FGL1: variants seen among roughly 807,000 people sequenced by gnomAD.
The protein encoded by FGL1 is fibrinogen-like protein 1.
Under a neutral mutation model 43.7 loss-of-function variants are expected in FGL1, and 59 were observed. That is an observed-to-expected ratio of 1.35 (90% CI 1.10 to 1.68). The LOEUF is 1.68. Among genes scored for constraint, FGL1 ranks in the 40% most tolerant of loss-of-function variants. The probability of loss-of-function intolerance (pLI) is 0.00; values close to 1 mark genes in which losing one functional copy is unlikely to be tolerated. For synonymous variants in FGL1, 192 were observed against 126.5 expected (o/e 1.52, Z -3.48); for missense variants, 596 against 373.0 (o/e 1.60, Z -4.92).
At chr8:17,889,745 C>T (rs530830783) in intron 1 of FGL1, among the ~76,000 whole-genome samples, 1 of 152,180 alleles carries the variant, frequency 6.6e-6, no homozygotes, top group Non-Finnish European at 1.5e-5. Context: ...CCTGGTTAAT[C>T]CTTTCTTACT....
At position 17,881,991 on chromosome 8, in the gene FGL1, A is replaced by T. The variant is rs1249981833; in HGVS notation, c.244+8T>A. 6.2e-7 allele frequency: 1 copy of T among 1,612,860 alleles called. No homozygotes were observed. Among genetic ancestry groups the T allele is most frequent in the Admixed American group, 1.7e-5 (1 of 59,970 alleles). On this transcript the variant is annotated splice_region_variant and intron_variant, in intron 3 of 7. Transcript: ENST00000427924. ...TTATAGAAACACTTAAGAAAAGTCC[A>T]TTCTGACCTGCATACTGCCTCTTGC...
At chr8:17,880,155 A>C (rs2053513630) in intron 3 of FGL1, among the ~76,000 whole-genome samples, 1 of 151,976 alleles carries the variant, frequency 6.6e-6, no homozygotes, top group South Asian at 2.1e-4. Context: ...CATCCCCACT[A>C]CTGCAGACCA....
Position 17,864,447 on chromosome 8 carries a change from A to T in FGL1, c.*145T>A. 2 of 804,106 alleles carry T rather than the reference A, an allele frequency of 2.5e-6. No homozygotes were observed. Among genetic ancestry groups the T allele is most frequent in the Non-Finnish European group, 3.8e-6 (2 of 527,692 alleles). 49.8% of individuals were successfully genotyped at this position (804,106 alleles called of 1,614,324 possible). On this transcript the variant is annotated 3_prime_UTR_variant, in exon 8 of 8. Transcript: ENST00000427924. The stretch of plus-strand genomic sequence containing the variant: ...TGCATATCTGCTGTACTGAAAGCAC[A>T]TTAAGTAACAAAGGCAAGTGAGAAG...
intron 3 of FGL1, among the ~76,000 whole-genome samples, 171 bp downstream of exon 3, chr8:17,881,828 C>G (rs570797797): frequency 8.3e-5 from 11 of 132,272 alleles, no homozygotes; most frequent in Admixed American, 1.4e-4. Context: ...AGCAAGACTC[C>G]GCCTCAAAAA....
chr8:17,879,170 TA>T (rs2053499060), intron 3 of FGL1, among the ~76,000 whole-genome samples: 1 of 151,954 alleles, frequency 6.6e-6, no homozygotes, highest in African/African-American at 2.4e-5. Context: ...TCTGTCTTAT[TA>T]TTATAACAGT....
chr8:17,886,833 A>G (rs1342975478), intron 1 of FGL1, among the ~76,000 whole-genome samples: 1 of 152,010 alleles, frequency 6.6e-6, no homozygotes, highest in Non-Finnish European at 1.5e-5. Flanking sequence ...GGGAATTGGC[A>G]AAGCAGCAGT....
chr8:17,871,021 G>A (rs1435335774), intron 5 of FGL1, among the ~76,000 whole-genome samples: 1 of 152,074 alleles, frequency 6.6e-6, no homozygotes, highest in Non-Finnish European at 1.5e-5. Flanking sequence ...AGGGAATGCT[G>A]GATTCCTCAA....
At position 17,886,567 on chromosome 8, in the gene FGL1, G is replaced by A. The variant is rs888656535; in HGVS notation, c.-17-996C>T. Among the ~76,000 whole-genome samples, 7 of 152,114 alleles carry A rather than the reference G, an allele frequency of 4.6e-5. No homozygotes were observed. The South Asian group carries it at 1.2e-3, about 27-fold the overall frequency. On this transcript the variant is annotated intron_variant, in intron 1 of 7. Transcript: ENST00000427924. The stretch of plus-strand genomic sequence containing the variant: ...GAGGTCAGGAGCTCGAGACCAGCCT[G>A]GTCAACATGGCGAAACCCTGTCTCT...
intron 3 of FGL1, 149 bp downstream of exon 3, chr8:17,881,848 AAG>A: frequency 1.5e-6 from 1 of 668,676 alleles, no homozygotes; most frequent in South Asian, 2.5e-5. Context: ...AAAAAAAAAA[AAG>A]TAAAGTGTGA....
At chr8:17,866,384 A>C (rs1234507525) in intron 7 of FGL1, among the ~76,000 whole-genome samples, 1 of 152,196 alleles carries the variant, frequency 6.6e-6, no homozygotes, top group South Asian at 2.1e-4. Context: ...AATATTTATG[A>C]AGTGCCAACA....
At chr8:17,873,680 TATCTATA>T (rs2053398872) in intron 5 of FGL1, among the ~76,000 whole-genome samples, 2 of 128,676 alleles carry the variant, frequency 1.6e-5, no homozygotes, top group African/African-American at 5.7e-5. Flanking sequence ...ATTCTATATA[TATCTATA>T]GATACATATA....
At chr8:17,877,526 C>T (rs2053474044) in intron 3 of FGL1, among the ~76,000 whole-genome samples, 1 of 151,664 alleles carries the variant, frequency 6.6e-6, no homozygotes, top group South Asian at 2.1e-4. Context: ...AGGTAAGCAA[C>T]AGAGGTCAGC....
At chr8:17,886,024 G>C (rs2053623169) in intron 1 of FGL1, among the ~76,000 whole-genome samples, 1 of 152,198 alleles carries the variant, frequency 6.6e-6, no homozygotes, top group Non-Finnish European at 1.5e-5. Flanking sequence ...AAAGTGCTGG[G>C]ATTACAGGCG....
intron 3 of FGL1, among the ~76,000 whole-genome samples, chr8:17,875,480 T>C (rs183339451): frequency 1.0e-4 from 5 of 49,060 alleles, no homozygotes; most frequent in Non-Finnish European, 2.2e-4. Context: ...AAAAGTGATA[T>C]CTCTTTCTTT....
At chr8:17,884,896 T>G (rs1447461574) in intron 2 of FGL1, among the ~76,000 whole-genome samples, 1 of 152,180 alleles carries the variant, frequency 6.6e-6, no homozygotes, top group Non-Finnish European at 1.5e-5. Flanking sequence ...CTGGTTAGTT[T>G]TACACTTTTC....
chr8:17,882,345 T>C (rs556259898), intron 2 of FGL1, 166 bp from the exon 3 acceptor site: 20 of 559,376 alleles, frequency 3.6e-5, no homozygotes, highest in African/African-American at 2.9e-4. Flanking sequence ...TGCCTACTAT[T>C]TGAAGAATTG....
chr8:17,884,479 G>A (rs1192732794), intron 2 of FGL1, among the ~76,000 whole-genome samples: 3 of 152,232 alleles, frequency 2.0e-5, no homozygotes, highest in East Asian at 3.9e-4. Flanking sequence ...ACAGGCGTGA[G>A]CCACTGCACC....
At chr8:17,881,049 G>C (rs2053526446) in intron 3 of FGL1, among the ~76,000 whole-genome samples, 1 of 151,874 alleles carries the variant, frequency 6.6e-6, no homozygotes, top group African/African-American at 2.4e-5. Flanking sequence ...TTTCAGAAGG[G>C]AAAACTGCAT....
At chr8:17,891,019 G>T (rs1314704041) in intron 1 of FGL1, among the ~76,000 whole-genome samples, 1 of 152,112 alleles carries the variant, frequency 6.6e-6, no homozygotes, top group Non-Finnish European at 1.5e-5. Context: ...AATGGATTCA[G>T]TTTCTCCTTA....
Sources: allele counts gnomAD v4.1 joint callset (sites outside exome capture counted in the v4.1 genomes callset), GRCh38; gene constraint gnomAD v4.1.1; transcripts MANE v1.5; gene names NCBI Gene and HGNC (gene_info 2026-07-23, HGNC 2026-07-21).